The following TPD52L1 variants were observed in gnomAD, a reference collection of about 807,000 sequenced individuals.
TPD52L1 encodes TPD52 like 1.
Under a neutral mutation model 28.7 loss-of-function variants are expected in TPD52L1, and 18 were observed. That is an observed-to-expected ratio of 0.63 (90% CI 0.43 to 0.93). The LOEUF is 0.93. Ranked by LOEUF, TPD52L1 falls within the 40% of genes least tolerant of loss-of-function variation. The pLI is 0.00. For missense variants in TPD52L1, 203 were observed against 254.8 expected (o/e 0.80, Z 1.39); for synonymous variants, 75 against 88.8 (o/e 0.84, Z 0.88).
chr6:125,252,743 G>A (rs1447098894), intron 4 of TPD52L1: 1 of 152,106 alleles, frequency 6.6e-6, no homozygotes, highest in Non-Finnish European at 1.5e-5. Context: ...GGAAATATCT[G>A]CCTAATAGTT....
intron 1 of TPD52L1, among the ~76,000 whole-genome samples, chr6:125,172,157 TTTTCTTTC>T (rs200343475): frequency 0.072 from 3,830 of 53,280 alleles, 188 homozygotes; most frequent in South Asian, 0.12. Flanking sequence ...TCTTTCTTTC[TTTTCTTTC>T]TTTCTTTCTT....
intron 5 of TPD52L1, among the ~76,000 whole-genome samples, chr6:125,256,413 C>T (rs988396970): frequency 3.9e-5 from 6 of 152,124 alleles, no homozygotes; most frequent in African/African-American, 1.4e-4. Context: ...GTAGGTATAT[C>T]TATTTGAGAG....
rs189067998 is a variant in TPD52L1 at position 125,256,386 on chromosome 6, A to G, written c.426-712A>G. On this transcript the variant is annotated intron_variant, in intron 5 of 6. Transcript: ENST00000534000. ...AAAGCCATTAGGCTGCAAAGGTTCT[A>G]TTTGGTAAGAGAACAAGTAGGTATA... 7.2e-5 allele frequency among the ~76,000 whole-genome samples: 11 copies of G among 152,266 alleles called. No individual in the cohort carries two copies. The East Asian group carries it at 1.9e-3, about 27-fold the overall frequency.
intron 1 of TPD52L1, among the ~76,000 whole-genome samples, chr6:125,212,474 C>T (rs917372258): frequency 1.3e-5 from 2 of 152,192 alleles, no homozygotes; most frequent in African/African-American, 4.8e-5. Context: ...CAATCATGGC[C>T]ATGAAGCCAC....
chr6:125,239,341 G>A (rs537064096), intron 3 of TPD52L1, among the ~76,000 whole-genome samples: 1 of 152,026 alleles, frequency 6.6e-6, no homozygotes, highest in African/African-American at 2.4e-5. Context: ...CCCAAGATTG[G>A]GTAATTTATA....
chr6:125,177,655 T>C (rs1313320161), intron 1 of TPD52L1, among the ~76,000 whole-genome samples: 2 of 152,214 alleles, frequency 1.3e-5, no homozygotes, highest in East Asian at 3.8e-4. Context: ...TATGTCTTAT[T>C]GAAGAGACTG....
chr6:125,219,100 T>C (rs1237581323), intron 1 of TPD52L1, among the ~76,000 whole-genome samples: 1 of 151,778 alleles, frequency 6.6e-6, no homozygotes, highest in African/African-American at 2.4e-5. Flanking sequence ...CCTTTGTATT[T>C]GAATGTTTCA....
chr6:125,235,221 G>T (rs904568624), intron 3 of TPD52L1, among the ~76,000 whole-genome samples: 1 of 151,764 alleles, frequency 6.6e-6, no homozygotes, highest in African/African-American at 2.4e-5. Context: ...TCTTACTCAT[G>T]CAACTTTAAG....
rs72975429 is a variant in TPD52L1 at position 125,213,599 on chromosome 6, A to G, written c.20-6479A>G. On this transcript the variant is annotated intron_variant, in intron 1 of 6. Coordinates refer to ENST00000534000, the MANE Select transcript of TPD52L1 (RefSeq NM_003287.4). ...CCCAGCCCCTGATGCAGGAGCACCAACTTCTTGCCAAGTTGGTGAGTTTCT... is the reference window on the plus strand; with the variant it reads ...CCCAGCCCCTGATGCAGGAGCACCAGCTTCTTGCCAAGTTGGTGAGTTTCT... Among the ~76,000 whole-genome samples, 403 of 152,118 alleles carry G rather than the reference A, an allele frequency of 2.6e-3. 1 individual carries two copies. The highest frequency in any genetic ancestry group is 4.3e-3 in the Non-Finnish European group (295 of 67,988).
intron 1 of TPD52L1, among the ~76,000 whole-genome samples, chr6:125,185,893 G>T (rs1582883385): frequency 1.3e-4 from 12 of 94,690 alleles, no homozygotes; most frequent in East Asian, 4.3e-4. Context: ...TTGGAAATTT[G>T]ATTTTTTTTT....
intron 2 of TPD52L1, among the ~76,000 whole-genome samples, chr6:125,227,043 A>G (rs987796265): frequency 6.6e-5 from 10 of 152,204 alleles, no homozygotes; most frequent in Admixed American, 1.3e-4. Flanking sequence ...TCAAGGAAAG[A>G]CAGGGTTCTA....
intron 1 of TPD52L1, among the ~76,000 whole-genome samples, chr6:125,164,953 A>G (rs1015849592): frequency 6.6e-6 from 1 of 151,740 alleles, no homozygotes. Context: ...CACTTCTTCA[A>G]TTTACTGAGT....
At chr6:125,203,002 G>T (rs1459918232) in intron 1 of TPD52L1, among the ~76,000 whole-genome samples, 1 of 151,956 alleles carries the variant, frequency 6.6e-6, no homozygotes. Flanking sequence ...CTGACCTCAG[G>T]TGATCCACCC....
chr6:125,220,685 C>G (rs1304255263), intron 2 of TPD52L1, among the ~76,000 whole-genome samples: 1 of 152,090 alleles, frequency 6.6e-6, no homozygotes, highest in African/African-American at 2.4e-5. Flanking sequence ...AAATAAAGCT[C>G]TAGGGGTAGA....
intron 1 of TPD52L1, among the ~76,000 whole-genome samples, chr6:125,164,678 T>C: frequency 6.6e-6 from 1 of 152,164 alleles, no homozygotes. Flanking sequence ...TATGTTTTAT[T>C]CATTTAACCA....
intron 1 of TPD52L1, among the ~76,000 whole-genome samples, chr6:125,155,217 G>A (rs59061299): frequency 0.031 from 4,649 of 152,366 alleles, 260 homozygotes; most frequent in African/African-American, 0.11. Context: ...CAGAGGTCAG[G>A]TTGGAGGCCT....
chr6:125,233,007 G>A (rs1350199673), intron 3 of TPD52L1, among the ~76,000 whole-genome samples: 1 of 152,132 alleles, frequency 6.6e-6, no homozygotes, highest in South Asian at 2.1e-4. Context: ...AATCTCTTCT[G>A]TAGGCAGAAG....
At chr6:125,154,054 G>T in intron 1 of TPD52L1, 84 bp downstream of exon 1, 1 of 1,529,174 alleles carries the variant, frequency 6.5e-7, no homozygotes. Context: ...CTTCGCTCTC[G>T]GACAGAACAG....
In TPD52L1 at chr6:125,257,155, C is replaced by T; in HGVS notation, c.483C>T (p.Leu161=). The change falls in exon 6 of 7, where the codon CTC becomes CTT. Residue 161 remains leucine (L), a synonymous_variant. Coordinates refer to ENST00000534000, the MANE Select transcript of TPD52L1 (RefSeq NM_003287.4). Reference sequence around the variant, plus strand: ...GGGTTGAGACAACTGTCACAAGCCTCAAGGTACAGATGAAGTGAATTCTGT... The same window carrying T: ...GGGTTGAGACAACTGTCACAAGCCTTAAGGTACAGATGAAGTGAATTCTGT... ...EERVETTVTS[L]KTKVGGTNPN... is the part of the protein sequence containing the mutation. 7 of 1,611,208 alleles carry T rather than the reference C, an allele frequency of 4.3e-6. No homozygotes were observed. Among genetic ancestry groups the T allele is most frequent in the Middle Eastern group, 1.7e-4 (1 of 6,052 alleles).
Sources: gnomAD v4.1 joint callset for allele counts (sites outside exome capture counted in the v4.1 genomes callset) on GRCh38, gnomAD v4.1.1 for gene constraint, MANE v1.5 for transcripts, NCBI Gene and HGNC (gene_info 2026-07-23, HGNC 2026-07-21) for gene names.